ROBO2: variants seen among roughly 807,000 people sequenced by gnomAD.
ROBO2 encodes the protein roundabout guidance receptor 2.
ROBO2 carries 53 observed loss-of-function variants against 160.8 expected under a neutral mutation model. The ratio of observed to expected loss-of-function variants is 0.33; its 90% CI spans 0.26 to 0.41. The LOEUF (loss-of-function observed/expected upper bound fraction) is 0.41, where lower values mean the gene tolerates loss of function less well. Ranked by LOEUF, ROBO2 falls within the 10% of genes least tolerant of loss-of-function variation. The pLI, the probability that ROBO2 is intolerant of heterozygous loss-of-function variation, is 1.00. For missense variants in ROBO2, 1,577 were observed against 1,722.4 expected, an observed-to-expected ratio of 0.92 and a Z score of 1.49; for synonymous variants, 664 against 611.7, an observed-to-expected ratio of 1.09 and a Z score of -1.26.
intron 2 of ROBO2, among the ~76,000 whole-genome samples, chr3:76,242,972 A>G (rs1278701049): frequency 4.6e-5 from 7 of 152,294 alleles, no homozygotes; most frequent in Non-Finnish European, 8.8e-5. Context: ...ACGTATTTAT[A>G]GATGGAAGTA....
chr3:76,371,015 C>A (rs1008186938), intron 2 of ROBO2, among the ~76,000 whole-genome samples: 1 of 151,954 alleles, frequency 6.6e-6, no homozygotes, highest in East Asian at 2.0e-4. Context: ...GATGCCTCCC[C>A]CATGAGTAGT....
chr3:77,531,218 A>C (rs2091700255), intron 6 of ROBO2, among the ~76,000 whole-genome samples: 1 of 152,114 alleles, frequency 6.6e-6, no homozygotes, highest in Admixed American at 6.6e-5. Flanking sequence ...AACTTGATGG[A>C]AACTTCTAAG....
intron 2 of ROBO2, among the ~76,000 whole-genome samples, chr3:77,271,328 G>C (rs138532116): frequency 1.3e-5 from 2 of 152,300 alleles, no homozygotes; most frequent in East Asian, 3.9e-4. Context: ...TCCAGAAACA[G>C]ACGGAAAGGG....
chr3:76,922,515 T>C (rs1278148654), intron 2 of ROBO2, among the ~76,000 whole-genome samples: 1 of 152,204 alleles, frequency 6.6e-6, no homozygotes, highest in African/African-American at 2.4e-5. Flanking sequence ...TTCCCATTTT[T>C]GTTCCTTAAG....
At chr3:76,483,928 G>A (rs1003398546) in intron 2 of ROBO2, among the ~76,000 whole-genome samples, 8 of 152,102 alleles carry the variant, frequency 5.3e-5, no homozygotes, top group Non-Finnish European at 5.9e-5. Flanking sequence ...GTATTCAATG[G>A]TGTATATGTA....
At chr3:76,440,405 C>A (rs1331140644) in intron 2 of ROBO2, among the ~76,000 whole-genome samples, 4 of 151,948 alleles carry the variant, frequency 2.6e-5, no homozygotes, top group Admixed American at 2.0e-4. Context: ...CCCCTCTCCC[C>A]CAACCCCACA....
At chr3:76,023,873 A>G (rs2066650856) in intron 2 of ROBO2, among the ~76,000 whole-genome samples, 1 of 151,502 alleles carries the variant, frequency 6.6e-6, no homozygotes, top group African/African-American at 2.4e-5. Flanking sequence ...CAATAAAACA[A>G]GGTACGCTTG....
intron 2 of ROBO2, among the ~76,000 whole-genome samples, chr3:76,771,306 C>T (rs951692093): frequency 1.3e-5 from 2 of 151,214 alleles, no homozygotes; most frequent in African/African-American, 2.4e-5. Context: ...TAAGCAGGAT[C>T]TATTGTTAAA....
chr3:76,872,511 G>T (rs1386598569), intron 2 of ROBO2, among the ~76,000 whole-genome samples: 6 of 151,828 alleles, frequency 4.0e-5, no homozygotes, highest in Non-Finnish European at 5.9e-5. Context: ...AAGTGCTCAA[G>T]AAATATATTA....
chr3:77,543,155 CT>C (rs200560593), intron 6 of ROBO2, among the ~76,000 whole-genome samples: 46 of 151,566 alleles, frequency 3.0e-4, no homozygotes, highest in African/African-American at 9.4e-4. Flanking sequence ...CAGCTTTTCT[CT>C]TTTTTTTTCT....
At chr3:77,089,020 T>C (rs1578861373) in intron 1 of ROBO2, among the ~76,000 whole-genome samples, 1 of 152,194 alleles carries the variant, frequency 6.6e-6, no homozygotes, top group African/African-American at 2.4e-5. Context: ...ACTCTTCCAC[T>C]TACCTCAAGT....
At chr3:76,330,230 TACACCCAATTAATTGCAGGGATAAACTAA>T (rs1425859685) in intron 2 of ROBO2, among the ~76,000 whole-genome samples, 1 of 152,144 alleles carries the variant, frequency 6.6e-6, no homozygotes, top group Non-Finnish European at 1.5e-5. Context: ...GAGATAGAGA[TACACCCAATTAATTGCAGGGATAAACTAA>T]ACTCATAACT....
At chr3:76,747,942 G>C (rs888318770) in intron 2 of ROBO2, among the ~76,000 whole-genome samples, 1 of 151,880 alleles carries the variant, frequency 6.6e-6, no homozygotes, top group African/African-American at 2.4e-5. Flanking sequence ...CGAATTCTCA[G>C]GGGAGGAATG....
intron 2 of ROBO2, among the ~76,000 whole-genome samples, chr3:76,648,932 C>A (rs533211414): frequency 1.3e-5 from 2 of 152,096 alleles, no homozygotes; most frequent in East Asian, 3.9e-4. Flanking sequence ...TCATCTTAGT[C>A]ACAAAATAAG....
chr3:76,216,856 A>G (rs536622719), intron 2 of ROBO2, among the ~76,000 whole-genome samples: 2 of 152,080 alleles, frequency 1.3e-5, no homozygotes, highest in Non-Finnish European at 2.9e-5. Flanking sequence ...ACAGAATATA[A>G]ATTCTTTTCA....
intron 2 of ROBO2, among the ~76,000 whole-genome samples, chr3:76,216,525 A>G (rs893079284): frequency 2.0e-5 from 3 of 152,190 alleles, no homozygotes; most frequent in African/African-American, 7.2e-5. Flanking sequence ...CTCTGATAAA[A>G]CAGACTTTAA....
intron 2 of ROBO2, among the ~76,000 whole-genome samples, chr3:76,446,666 C>A (rs2077198900): frequency 6.6e-6 from 1 of 152,292 alleles, no homozygotes; most frequent in African/African-American, 2.4e-5. Context: ...GTAACCAAAG[C>A]AGCATGGTAC....
intron 5 of ROBO2, among the ~76,000 whole-genome samples, chr3:77,516,279 G>C (rs2090008137): frequency 1.3e-5 from 2 of 151,526 alleles, no homozygotes; most frequent in Admixed American, 1.3e-4. Context: ...TTTTGTATAT[G>C]TACATTTTCT....
chr3:76,599,128 A>G (rs2086930731), intron 2 of ROBO2, among the ~76,000 whole-genome samples: 1 of 152,132 alleles, frequency 6.6e-6, no homozygotes, highest in Admixed American at 6.6e-5. Flanking sequence ...ATAGAGGTAA[A>G]CTCATGTCAC....
Sources: allele counts gnomAD v4.1 joint callset (sites outside exome capture counted in the v4.1 genomes callset), GRCh38; gene constraint gnomAD v4.1.1; transcripts MANE v1.5; gene names NCBI Gene and HGNC (gene_info 2026-07-23, HGNC 2026-07-21).